Variants in ANO3 observed in about 807,000 individuals in gnomAD.
ANO3 encodes the protein anoctamin-3.
Under a neutral mutation model 144.8 loss-of-function variants are expected in ANO3, and 99 were observed. That is an observed-to-expected ratio of 0.68 (90% CI 0.58 to 0.81). The LOEUF (loss-of-function observed/expected upper bound fraction) is 0.81, where lower values mean the gene tolerates loss of function less well. Ranked by LOEUF, ANO3 falls within the 30% of genes least tolerant of loss-of-function variation. ANO3 has a pLI of 0.00. For missense variants in ANO3, 905 were observed against 1,202.2 expected, an observed-to-expected ratio of 0.75 and a Z score of 3.66; for synonymous variants, 414 against 392.6, an observed-to-expected ratio of 1.05 and a Z score of -0.64.
In ANO3 at chr11:26,661,518, T is replaced by C. The variant is rs1268011552; in HGVS notation, c.*1074T>C. ...TTTCAACAATGTGCACTCTTACTCA[T>C]GAACTAATGAAAATAATGCATGAAT... On this transcript the variant is annotated 3_prime_UTR_variant, in exon 27 of 27. Transcript: ENST00000256737. The C allele has an allele frequency of 6.6e-6, 1 of 152,572 alleles. No homozygotes were observed. Among genetic ancestry groups the C allele is most frequent in the African/African-American group, 2.4e-5 (1 of 41,450 alleles). 9.5% of individuals were successfully genotyped at this position (152,572 alleles called of 1,614,324 possible). A position where few individuals can be genotyped will look rare whatever the true frequency, so the allele number is the denominator to read the frequency against.
At chr11:26,615,414 A>ATATATATATATATATTTTTTT (rs1352935016) in intron 17 of ANO3, among the ~76,000 whole-genome samples, 21 of 130,670 alleles carry the variant, frequency 1.6e-4, no homozygotes, top group African/African-American at 6.3e-4. Flanking sequence ...ATATATATAT[A>ATATATATATATATATTTTTTT]TTTTTTTTTT....
At chr11:26,649,181 G>A (rs372327472) in intron 24 of ANO3, among the ~76,000 whole-genome samples, 1 of 151,988 alleles carries the variant, frequency 6.6e-6, no homozygotes, top group Non-Finnish European at 1.5e-5. Flanking sequence ...AAAACAAAAC[G>A]AGACTATAAT....
chr11:26,474,133 G>A, intron 4 of ANO3: 1 of 980,364 alleles, frequency 1.0e-6, no homozygotes, highest in Non-Finnish European at 1.2e-6. Flanking sequence ...ACTGTGGTAT[G>A]TTTAAAAGTG....
At chr11:26,600,998 A>C (rs1479957546) in intron 17 of ANO3, among the ~76,000 whole-genome samples, 1 of 152,176 alleles carries the variant, frequency 6.6e-6, no homozygotes, top group African/African-American at 2.4e-5. Context: ...AATGGGAACC[A>C]ATTTCCTCTG....
chr11:26,598,208 T>G (rs1851693827), intron 14 of ANO3, among the ~76,000 whole-genome samples, 157 bp from the exon 15 acceptor site: 1 of 152,148 alleles, frequency 6.6e-6, no homozygotes, highest in Admixed American at 6.5e-5. Flanking sequence ...TAATTAATGA[T>G]GTATAAACAC....
At chr11:26,263,237 CA>C (rs1208939676) in intron 1 of ANO3, among the ~76,000 whole-genome samples, 2 of 152,158 alleles carry the variant, frequency 1.3e-5, no homozygotes, top group Admixed American at 6.5e-5. Context: ...TAGTTATGTG[CA>C]AACCAATGAG....
chr11:26,496,204 C>T (rs544392425), intron 4 of ANO3, among the ~76,000 whole-genome samples: 2 of 152,262 alleles, frequency 1.3e-5, no homozygotes, highest in South Asian at 4.2e-4. Context: ...TTGAGCTTTT[C>T]CTTCTTTTCA....
At chr11:26,206,714 C>T (rs1419311933) in intron 1 of ANO3, among the ~76,000 whole-genome samples, 1 of 152,168 alleles carries the variant, frequency 6.6e-6, no homozygotes, top group Non-Finnish European at 1.5e-5. Flanking sequence ...GGGAATATTA[C>T]TGAAGTTTTG....
intron 18 of ANO3, among the ~76,000 whole-genome samples, chr11:26,631,562 G>C (rs1036655794): frequency 1.3e-5 from 2 of 151,764 alleles, no homozygotes; most frequent in African/African-American, 4.8e-5. Flanking sequence ...TTGGAAACTG[G>C]AACACAGATT....
intron 26 of ANO3, among the ~76,000 whole-genome samples, chr11:26,658,107 T>C (rs1344835290): frequency 7.4e-6 from 1 of 135,560 alleles, no homozygotes; most frequent in Non-Finnish European, 1.6e-5. Context: ...TTTCAGGACT[T>C]ACACTTGTCT....
intron 1 of ANO3, among the ~76,000 whole-genome samples, chr11:26,277,091 T>C (rs1363294351): frequency 6.6e-6 from 1 of 152,106 alleles, no homozygotes; most frequent in Non-Finnish European, 1.5e-5. Flanking sequence ...CAGGGGTAAT[T>C]TAAGTCAGAA....
At chr11:26,261,951 T>C (rs1352616804) in intron 1 of ANO3, among the ~76,000 whole-genome samples, 1 of 152,228 alleles carries the variant, frequency 6.6e-6, no homozygotes, top group Non-Finnish European at 1.5e-5. Flanking sequence ...TGTAAAAGGC[T>C]GGTCAGTGCT....
At chr11:26,240,398 A>T (rs900450178) in intron 1 of ANO3, among the ~76,000 whole-genome samples, 2 of 152,178 alleles carry the variant, frequency 1.3e-5, no homozygotes, top group African/African-American at 4.8e-5. Flanking sequence ...GTCTTCAGAG[A>T]TGCATTTGGT....
At chr11:26,496,882 A>G (rs1860967285) in intron 4 of ANO3, among the ~76,000 whole-genome samples, 1 of 151,442 alleles carries the variant, frequency 6.6e-6, no homozygotes, top group Admixed American at 6.6e-5. Context: ...GCTGAGTAGC[A>G]TTCCATGGTG....
chr11:26,644,468 A>G (rs1038058721), intron 23 of ANO3, among the ~76,000 whole-genome samples: 1 of 152,196 alleles, frequency 6.6e-6, no homozygotes, highest in Admixed American at 6.5e-5. Context: ...CTCAGGATAC[A>G]TTTCTAGACT....
At chr11:26,222,135 A>G (rs1319267426) in intron 1 of ANO3, among the ~76,000 whole-genome samples, 1 of 152,230 alleles carries the variant, frequency 6.6e-6, no homozygotes, top group Non-Finnish European at 1.5e-5. Flanking sequence ...AATCAAAACA[A>G]GTTATTTATT....
intron 9 of ANO3, among the ~76,000 whole-genome samples, chr11:26,537,006 A>ATTTTT (rs373049130): frequency 8.0e-6 from 1 of 125,526 alleles, no homozygotes; most frequent in Non-Finnish European, 1.8e-5. Flanking sequence ...TATCCTTTAA[A>ATTTTT]TTTTTTTTTT....
intron 4 of ANO3, among the ~76,000 whole-genome samples, chr11:26,504,022 G>C (rs893046627): frequency 6.6e-6 from 1 of 152,066 alleles, no homozygotes; most frequent in Non-Finnish European, 1.5e-5. Flanking sequence ...TCCGTTTACC[G>C]CACTGGGAGA....
intron 1 of ANO3, among the ~76,000 whole-genome samples, chr11:26,385,234 A>C (rs1856691160): frequency 6.6e-6 from 1 of 152,206 alleles, no homozygotes. Context: ...TATGTTTCTC[A>C]CTGTTGGAAA....
Sources: gnomAD v4.1 joint callset for allele counts (sites outside exome capture counted in the v4.1 genomes callset) on GRCh38, gnomAD v4.1.1 for gene constraint, MANE v1.5 for transcripts, NCBI Gene and HGNC (gene_info 2026-07-23, HGNC 2026-07-21) for gene names.